The following CFAP91 variants were observed in gnomAD, a reference collection of about 807,000 sequenced individuals.
CFAP91 encodes cilia- and flagella-associated protein 91.
Under a neutral mutation model 95.9 loss-of-function variants are expected in CFAP91, and 85 were observed. The observed-to-expected ratio is 0.89, with a 90% CI of 0.74 to 1.06. The LOEUF is 1.06. Ranked by LOEUF, CFAP91 falls within the 50% of genes least tolerant of loss-of-function variation. The pLI, the probability that CFAP91 is intolerant of heterozygous loss-of-function variation, is 0.00. For missense variants in CFAP91, 962 were observed against 943.4 expected, an observed-to-expected ratio of 1.02 and a Z score of -0.26; for synonymous variants, 335 against 327.5, an observed-to-expected ratio of 1.02 and a Z score of -0.25.
intron 17 of CFAP91, among the ~76,000 whole-genome samples, chr3:119,751,546 G>C (rs576194210): frequency 1.3e-5 from 2 of 152,246 alleles, no homozygotes; most frequent in South Asian, 4.1e-4. Flanking sequence ...TTGGTCTTGG[G>C]CTCAACTAAA....
intron 13 of CFAP91, among the ~76,000 whole-genome samples, chr3:119,741,219 A>G (rs546709071): frequency 6.6e-6 from 1 of 152,344 alleles, no homozygotes; most frequent in South Asian, 2.1e-4. Flanking sequence ...GCAAAACAAT[A>G]ACAACAAAAC....
chr3:119,743,591 T>C (rs1181131150), intron 13 of CFAP91, among the ~76,000 whole-genome samples: 1 of 152,224 alleles, frequency 6.6e-6, no homozygotes, highest in African/African-American at 2.4e-5. Context: ...GAGATTCAAT[T>C]TGATTAAACT....
At chr3:119,708,564 G>A in intron 3 of CFAP91, 27 bp from the exon 4 acceptor site, 2 of 1,446,136 alleles carry the variant, frequency 1.4e-6, no homozygotes, top group Non-Finnish European at 1.9e-6. Flanking sequence ...TTTTAGACTT[G>A]AATAATGTTT....
intron 12 of CFAP91, 70 bp from the exon 13 acceptor site, chr3:119,740,479 G>C: frequency 1.3e-6 from 2 of 1,534,858 alleles, no homozygotes; most frequent in African/African-American, 1.4e-5. Flanking sequence ...AAGTCACTGC[G>C]TGTGACTCCT....
intron 6 of CFAP91, among the ~76,000 whole-genome samples, chr3:119,717,936 A>G (rs2053609724): frequency 6.6e-6 from 1 of 151,956 alleles, no homozygotes; most frequent in Non-Finnish European, 1.5e-5. Flanking sequence ...CCACCTGGAA[A>G]TAGCTCCAGG....
At chr3:119,718,452 G>C (rs891781898) in intron 6 of CFAP91, among the ~76,000 whole-genome samples, 7 of 152,088 alleles carry the variant, frequency 4.6e-5, no homozygotes, top group African/African-American at 1.2e-4. Context: ...GAGCTGTGGG[G>C]GCTAGGACAT....
intron 15 of CFAP91, 31 bp downstream of exon 15, chr3:119,747,294 G>A (rs1041141965): frequency 2.5e-6 from 4 of 1,595,586 alleles, no homozygotes; most frequent in Non-Finnish European, 3.4e-6. Flanking sequence ...TTGTAGAATG[G>A]ACAGCCCATT....
At chr3:119,722,563 A>G (rs1458796340) in intron 6 of CFAP91, among the ~76,000 whole-genome samples, 1 of 152,152 alleles carries the variant, frequency 6.6e-6, no homozygotes, top group Non-Finnish European at 1.5e-5. Flanking sequence ...ATCATAGCTC[A>G]CTGCAGCCTC....
intron 7 of CFAP91, among the ~76,000 whole-genome samples, chr3:119,728,197 G>A (rs919654894): frequency 6.6e-6 from 1 of 152,138 alleles, no homozygotes; most frequent in Admixed American, 6.5e-5. Flanking sequence ...TATCTATAGA[G>A]CATGGAACAC....
intron 6 of CFAP91, among the ~76,000 whole-genome samples, chr3:119,718,524 T>C (rs1235561951): frequency 6.6e-6 from 1 of 151,996 alleles, no homozygotes; most frequent in African/African-American, 2.4e-5. Context: ...TCCCCAGAAC[T>C]AAAGAAAGAC....
At chr3:119,737,668 C>G (rs2054037439) in intron 11 of CFAP91, among the ~76,000 whole-genome samples, 186 bp downstream of exon 11, 2 of 152,300 alleles carry the variant, frequency 1.3e-5, no homozygotes, top group South Asian at 2.1e-4. Context: ...GAAATGAAAT[C>G]TAAACCCAGT....
Position 119,707,435 on chromosome 3 carries a change from G to T in CFAP91, c.233G>T (p.Ser78Ile). 6.3e-7 allele frequency: 1 copy of T among 1,582,858 alleles called. No individual in the cohort carries two copies. The highest frequency in any genetic ancestry group is 8.6e-7 in the Non-Finnish European group (1 of 1,159,434). ...RKVPRFKTMF[S>I]NLIHYPRYSL... is the part of the protein sequence containing the mutation. ...GTTCCCAGGTTTAAAACCATGTTCAGTAACCTGATCCATTATCCAAGATAT... is the reference window on the plus strand; with the variant it reads ...GTTCCCAGGTTTAAAACCATGTTCATTAACCTGATCCATTATCCAAGATAT... Residue 78 changes from serine (S) to isoleucine (I), a missense_variant, in exon 3 of 18, where the codon AGT (serine) becomes ATT (isoleucine). By Grantham distance (142) the Ser-to-Ile change is moderately radical. Coordinates refer to ENST00000273390, the MANE Select transcript of CFAP91 (RefSeq NM_033364.4).
intron 3 of CFAP91, among the ~76,000 whole-genome samples, 175 bp downstream of exon 3, chr3:119,707,736 T>G (rs1180807499): frequency 6.7e-6 from 1 of 148,480 alleles, no homozygotes; most frequent in Non-Finnish European, 1.5e-5. Context: ...ATATGAGATA[T>G]ATATATATAT....
chr3:119,714,365 CAAAAAAAAAA>C (rs1265042198), intron 5 of CFAP91, among the ~76,000 whole-genome samples: 1 of 128,630 alleles, frequency 7.8e-6, no homozygotes, highest in Admixed American at 7.7e-5. Flanking sequence ...GACTCCGTCT[CAAAAAAAAAA>C]AAAAAAAAAA....
chr3:119,722,382 C>CGAG, intron 6 of CFAP91, among the ~76,000 whole-genome samples: 1 of 151,800 alleles, frequency 6.6e-6, no homozygotes, highest in Admixed American at 6.6e-5. Context: ...TCACTTGAAC[C>CGAG]GAGGAGGAGG....
At chr3:119,706,393 G>A (rs1157569382) in intron 1 of CFAP91, 2 of 153,730 alleles carry the variant, frequency 1.3e-5, no homozygotes, top group African/African-American at 2.4e-5. Flanking sequence ...TATGGGAGAT[G>A]GTATAAATGT....
rs768207283 is a variant in CFAP91, at chr3:119,732,355, C to T, written c.1080C>T (p.Ile360=). 9 of 1,611,916 alleles carry T rather than the reference C, an allele frequency of 5.6e-6. No individual in the cohort carries two copies. The highest frequency in any genetic ancestry group is 1.7e-4 in the Middle Eastern group (1 of 6,054). Residue 360 remains isoleucine (I), a synonymous_variant, in exon 9 of 18, where the codon ATC becomes ATT. Transcript: ENST00000273390. ...AAGGGAAGTTGGAGAGAAGAAATATCATCAAGGATTATTCTGATTATGCAT... is the reference window on the plus strand; with the variant it reads ...AAGGGAAGTTGGAGAGAAGAAATATTATCAAGGATTATTCTGATTATGCAT... ...NIEGKLERRN[I]IKDYSDYASQ...
chr3:119,727,909 G>A (rs570763996), intron 7 of CFAP91, among the ~76,000 whole-genome samples: 1 of 152,162 alleles, frequency 6.6e-6, no homozygotes, highest in African/African-American at 2.4e-5. Context: ...CTTGAGAAGT[G>A]TTGGTCTGAG....
intron 2 of CFAP91, 196 bp from the exon 3 acceptor site, chr3:119,707,208 C>G (rs4234664): frequency 0.15 from 77,166 of 516,140 alleles, 6,506 homozygotes; most frequent in East Asian, 0.23. Flanking sequence ...TCCCCTACCC[C>G]CTCCACATAA....
Sources: gnomAD v4.1 joint callset for allele counts (sites outside exome capture counted in the v4.1 genomes callset) on GRCh38, gnomAD v4.1.1 for gene constraint, MANE v1.5 for transcripts, NCBI Gene and HGNC (gene_info 2026-07-23, HGNC 2026-07-21) for gene names.